SPAG16: variants seen among roughly 807,000 people sequenced by gnomAD.
The protein encoded by SPAG16 is sperm associated antigen 16, also known as sperm-associated antigen 16 protein.
A neutral mutation model predicts 80.4 loss-of-function variants in SPAG16; 86 were observed. That is an observed-to-expected ratio of 1.07 (90% CI 0.90 to 1.28). The LOEUF is 1.28. SPAG16 is among the 50% of genes most tolerant of loss of function. The pLI, the probability that SPAG16 is intolerant of heterozygous loss-of-function variation, is 0.00. For synonymous variants in SPAG16, 294 were observed against 265.9 expected, an observed-to-expected ratio of 1.11 and a Z score of -1.03; for missense variants, 870 against 765.3, an observed-to-expected ratio of 1.14 and a Z score of -1.61.
At chr2:213,668,198 C>A (rs1258389491) in intron 10 of SPAG16, among the ~76,000 whole-genome samples, 1 of 151,754 alleles carries the variant, frequency 6.6e-6, no homozygotes, top group African/African-American at 2.4e-5. Flanking sequence ...CTCAGCCTTG[C>A]AAAGTGTTGG....
intron 5 of SPAG16, among the ~76,000 whole-genome samples, chr2:213,334,223 A>C (rs62192307): frequency 2.0e-4 from 31 of 152,198 alleles, no homozygotes; most frequent in Non-Finnish European, 4.1e-4. Flanking sequence ...AACATCATTG[A>C]TCATCAGGCA....
chr2:214,141,334 G>T (rs549269572), intron 14 of SPAG16, among the ~76,000 whole-genome samples: 1 of 151,872 alleles, frequency 6.6e-6, no homozygotes, highest in Non-Finnish European at 1.5e-5. Context: ...AGGCACGGTG[G>T]CATGTGCCTG....
chr2:214,053,653 A>G (rs2049778974), intron 13 of SPAG16, among the ~76,000 whole-genome samples: 1 of 152,160 alleles, frequency 6.6e-6, no homozygotes, highest in Non-Finnish European at 1.5e-5. Flanking sequence ...GTTGTACACA[A>G]ATTATCAGGA....
intron 9 of SPAG16, among the ~76,000 whole-genome samples, chr2:213,480,311 C>T (rs2073678082): frequency 6.6e-6 from 1 of 152,152 alleles, no homozygotes; most frequent in Non-Finnish European, 1.5e-5. Flanking sequence ...CAAACAGATG[C>T]CAATTGGTTG....
chr2:213,522,509 A>T (rs895875956), intron 10 of SPAG16, among the ~76,000 whole-genome samples: 6 of 152,114 alleles, frequency 3.9e-5, no homozygotes, highest in Non-Finnish European at 8.8e-5. Flanking sequence ...ATCTGACTGA[A>T]ATGGTTTGGC....
chr2:213,931,604 G>A (rs2078753793), intron 12 of SPAG16, among the ~76,000 whole-genome samples: 1 of 151,902 alleles, frequency 6.6e-6, no homozygotes, highest in South Asian at 2.1e-4. Context: ...AACTACCCAG[G>A]GTGTTTAAAA....
intron 15 of SPAG16, among the ~76,000 whole-genome samples, chr2:214,372,564 A>G (rs1434916313): frequency 6.6e-6 from 1 of 152,210 alleles, no homozygotes; most frequent in Non-Finnish European, 1.5e-5. Flanking sequence ...TGTTGAGAAT[A>G]CAAAGGTAGG....
At chr2:213,752,608 T>C (rs1237046725) in intron 10 of SPAG16, among the ~76,000 whole-genome samples, 1 of 152,230 alleles carries the variant, frequency 6.6e-6, no homozygotes, top group East Asian at 1.9e-4. Context: ...TTTCAAAAGT[T>C]TCACTTTCTT....
At chr2:213,306,852 C>G (rs2062961133) in intron 3 of SPAG16, among the ~76,000 whole-genome samples, 1 of 152,192 alleles carries the variant, frequency 6.6e-6, no homozygotes, top group African/African-American at 2.4e-5. Context: ...GTCAGCAACT[C>G]AAGACTGTCT....
intron 13 of SPAG16, among the ~76,000 whole-genome samples, chr2:214,076,163 G>A (rs571344279): frequency 1.4e-4 from 21 of 152,138 alleles, no homozygotes; most frequent in South Asian, 4.2e-4. Context: ...CCCAAAAATC[G>A]TTTCTATTTG....
chr2:214,241,198 CA>C (rs943148937), intron 15 of SPAG16: 4 of 150,534 alleles, frequency 2.7e-5, no homozygotes, highest in Non-Finnish European at 4.4e-5. Flanking sequence ...ACTAAAAATA[CA>C]AAAAAAAATT....
intron 10 of SPAG16, among the ~76,000 whole-genome samples, chr2:213,615,961 A>T (rs923249403): frequency 5.3e-5 from 8 of 152,206 alleles, no homozygotes; most frequent in African/African-American, 1.9e-4. Flanking sequence ...TAAAACATAG[A>T]TGATGGGTTG....
In SPAG16 at chr2:214,359,349, T is replaced by C. The variant is rs1240534170; in HGVS notation, c.1721-50791T>C. ...CTGCAGATCCTATACCCTTACTATATACAAAATAGGCTACTCTCCTAAAAT... is the reference window on the plus strand; with the variant it reads ...CTGCAGATCCTATACCCTTACTATACACAAAATAGGCTACTCTCCTAAAAT... On this transcript the variant is annotated intron_variant, in intron 15 of 15. Coordinates refer to ENST00000331683, the MANE Select transcript of SPAG16 (RefSeq NM_024532.5). Among the ~76,000 whole-genome samples, 3 of 151,994 alleles carry C rather than the reference T, an allele frequency of 2.0e-5. No homozygotes were observed. In the East Asian group the frequency reaches 5.8e-4, roughly 29 times the overall value.
At position 213,350,401 on chromosome 2, in the gene SPAG16, C is replaced by T. The variant is rs1032375577; in HGVS notation, c.645-127C>T. ...TGCTTCTTGGCTGTAGTGTGTTAACCTTTATATGATTATTCATTTTTATTT... is the reference window on the plus strand; with the variant it reads ...TGCTTCTTGGCTGTAGTGTGTTAACTTTTATATGATTATTCATTTTTATTT... On this transcript the variant is annotated intron_variant, in intron 6 of 15. Transcript: ENST00000331683. 4 of 541,816 alleles carry T rather than the reference C, an allele frequency of 7.4e-6. No individual in the cohort carries two copies. In the East Asian group the frequency reaches 1.2e-4, roughly 17 times the overall value. 33.6% of individuals were successfully genotyped at this position (541,816 alleles called of 1,614,324 possible).
At chr2:213,580,161 C>T (rs2060255996) in intron 10 of SPAG16, among the ~76,000 whole-genome samples, 1 of 151,948 alleles carries the variant, frequency 6.6e-6, no homozygotes, top group African/African-American at 2.4e-5. Flanking sequence ...AGAGGAATAT[C>T]CTTATCCCTG....
At chr2:214,033,593 T>G (rs1276199154) in intron 13 of SPAG16, among the ~76,000 whole-genome samples, 1 of 152,174 alleles carries the variant, frequency 6.6e-6, no homozygotes, top group Non-Finnish European at 1.5e-5. Flanking sequence ...ATCCATTCAC[T>G]CATTTAGACA....
At chr2:213,287,207 T>C (rs754141222) in intron 1 of SPAG16, among the ~76,000 whole-genome samples, 4 of 152,224 alleles carry the variant, frequency 2.6e-5, no homozygotes, top group African/African-American at 9.6e-5. Flanking sequence ...ATTTTAGCTA[T>C]GTGATAGATA....
chr2:213,967,903 A>G (rs766122036), intron 12 of SPAG16, among the ~76,000 whole-genome samples: 3 of 152,136 alleles, frequency 2.0e-5, no homozygotes, highest in Non-Finnish European at 4.4e-5. Flanking sequence ...GCTGGTTTAT[A>G]GGGATTGTGC....
At chr2:214,284,045 C>T (rs192415031) in intron 15 of SPAG16, among the ~76,000 whole-genome samples, 319 of 152,288 alleles carry the variant, frequency 2.1e-3, no homozygotes, top group Middle Eastern at 0.014. Context: ...TTCAGTTAGA[C>T]TTCCAGATAA....
Sources: allele counts gnomAD v4.1 joint callset (sites outside exome capture counted in the v4.1 genomes callset), GRCh38; gene constraint gnomAD v4.1.1; transcripts MANE v1.5; gene names NCBI Gene and HGNC (gene_info 2026-07-23, HGNC 2026-07-21).